Variants in RABEP2 observed in about 807,000 individuals in gnomAD.
RABEP2 encodes rabaptin, RAB GTPase binding effector protein 2.
RABEP2 carries 57 observed loss-of-function variants against 74.1 expected under a neutral mutation model. That is an observed-to-expected ratio of 0.77 (90% CI 0.62 to 0.96). The LOEUF (loss-of-function observed/expected upper bound fraction) is 0.96. Ranked by LOEUF, RABEP2 falls within the 40% of genes least tolerant of loss-of-function variation. The probability of loss-of-function intolerance (pLI) is 0.00; values close to 1 mark genes in which losing one functional copy is unlikely to be tolerated. For synonymous variants in RABEP2, 351 were observed against 344.0 expected, an observed-to-expected ratio of 1.02 and a Z score of -0.23; for missense variants, 692 against 756.3, an observed-to-expected ratio of 0.91 and a Z score of 1.00.
intron 5 of RABEP2, among the ~76,000 whole-genome samples, chr16:28,913,794 T>C (rs1350026302): frequency 6.7e-6 from 1 of 149,514 alleles, no homozygotes; most frequent in Non-Finnish European, 1.5e-5. Context: ...TTTTTTTTTT[T>C]TTTTTGAGAC....
chr16:28,904,604 A>AT lies in RABEP2; in HGVS notation c.*338dup, dbSNP rs1596691771. The AT allele has an allele frequency of 8.6e-7, 1 of 1,156,612 alleles. No homozygotes were observed. Among genetic ancestry groups the AT allele is most frequent in the African/African-American group, 1.6e-5 (1 of 64,236 alleles). 71.6% of individuals were successfully genotyped at this position (1,156,612 alleles called of 1,614,324 possible). A position where few individuals can be genotyped will look rare whatever the true frequency, so the allele number is the denominator to read the frequency against. ...CCTCTGATGGGGACTCCCAGCCCCC[A>AT]TGGCTCCGCTGTGCCCTGGGCAGGG... On this transcript the variant is annotated 3_prime_UTR_variant, in exon 13 of 13. Transcript: ENST00000358201.
chr16:28,924,913 CTGGCCCTACCCCTTCAATG>C, intron 1 of RABEP2, 171 bp downstream of exon 1: 2 of 827,304 alleles, frequency 2.4e-6, no homozygotes, highest in Non-Finnish European at 4.0e-6. Context: ...GCACCTGTCA[CTGGCCCTACCCCTTCAATG>C]GCCGGGCCAC....
At chr16:28,923,526 T>C (rs907599234) in intron 2 of RABEP2, among the ~76,000 whole-genome samples, 24 of 152,174 alleles carry the variant, frequency 1.6e-4, no homozygotes. Flanking sequence ...GTATGTAAAC[T>C]TTTAAAATGT....
chr16:28,908,869 GCCCA>G, intron 7 of RABEP2, 105 bp from the exon 8 acceptor site: 2 of 1,195,684 alleles, frequency 1.7e-6, no homozygotes, highest in Non-Finnish European at 2.3e-6. Flanking sequence ...CAGCAAGAGA[GCCCA>G]TACCCTCTCT....
At chr16:28,905,811 C>T in intron 10 of RABEP2, 52 bp from the exon 11 acceptor site, 2 of 1,614,000 alleles carry the variant, frequency 1.2e-6, no homozygotes, top group Admixed American at 1.7e-5. Flanking sequence ...CTCCCTTTCC[C>T]CACCTAGCCC....
chr16:28,916,660 A>T (rs966869484), intron 3 of RABEP2, among the ~76,000 whole-genome samples: 1 of 118,008 alleles, frequency 8.5e-6, no homozygotes, highest in Non-Finnish European at 1.7e-5. Flanking sequence ...CGACAGACTG[A>T]GACTCTTGTC....
chr16:28,911,248 C>T (rs1567496640), intron 5 of RABEP2, 69 bp from the exon 6 acceptor site: 1 of 1,447,352 alleles, frequency 6.9e-7, no homozygotes, highest in Non-Finnish European at 9.4e-7. Flanking sequence ...CTTCTCGTGG[C>T]CCACCTCTGC....
chr16:28,919,683 C>G (rs997209410), intron 3 of RABEP2, 103 bp downstream of exon 3: 2 of 1,321,694 alleles, frequency 1.5e-6, no homozygotes, highest in East Asian at 2.4e-5. Flanking sequence ...TTCCTAGAAT[C>G]ACTGCTGGGT....
At chr16:28,911,880 CAG>C (rs899526339) in intron 5 of RABEP2, among the ~76,000 whole-genome samples, 2 of 151,898 alleles carry the variant, frequency 1.3e-5, no homozygotes, top group African/African-American at 4.8e-5. Context: ...ACCTGAAAGA[CAG>C]AGGTTGCAGT....
chr16:28,904,691 A>G lies in RABEP2; in HGVS notation c.*252T>C. The G allele has an allele frequency of 1.5e-6, 1 of 654,520 alleles. No individual in the cohort carries two copies. The highest frequency in any genetic ancestry group is 3.1e-5 in the Admixed American group (1 of 32,042). The allele number at this position is 654,520 out of a possible 1,614,324, so 40.5% of individuals were successfully genotyped here. On this transcript the variant is annotated 3_prime_UTR_variant, in exon 13 of 13. Coordinates refer to ENST00000358201, the MANE Select transcript of RABEP2 (RefSeq NM_024816.3). ...GGCAGCACAGCAGCCAGAAAGCCGC[A>G]GGCCTGAGCCTGCACCTTTGGTTCC...
In RABEP2 at chr16:28,906,003, G is replaced by C. The variant is rs1170082090; in HGVS notation, c.1423+16C>G. The C allele has an allele frequency of 6.2e-7, 1 of 1,608,414 alleles. No homozygotes were observed. The highest frequency in any genetic ancestry group is 1.3e-5 in the African/African-American group (1 of 74,758). On this transcript the variant is annotated intron_variant, in intron 9 of 12. Coordinates refer to ENST00000358201, the MANE Select transcript of RABEP2 (RefSeq NM_024816.3). ...GCCCTGGGCCCGGGGCTGGGGGCTT[G>C]TGCCCCTCCCCTCACCTGTCTCCTC...
At position 28,925,111 on chromosome 16, in the gene RABEP2, G is replaced by GGCC. The variant is rs766717206; in HGVS notation, c.50_52dup (p.Arg17dup). On this transcript the variant is annotated inframe_insertion, in exon 1 of 13. Coordinates refer to ENST00000358201, the MANE Select transcript of RABEP2 (RefSeq NM_024816.3). ...GACGCCCCCTCACGTACCAGCCCCC[G>GGCC]GCCGCCGCCGCCGCTCATCGTCGTC... The GGCC allele has an allele frequency of 2.2e-5, 33 of 1,533,026 alleles. No individual in the cohort carries two copies. Among genetic ancestry groups the GGCC allele is most frequent in the Non-Finnish European group, 2.7e-5 (31 of 1,147,950 alleles). The allele number at this position is 1,533,026 out of a possible 1,614,324, so 95.0% of individuals were successfully genotyped here. A position where few individuals can be genotyped will look rare whatever the true frequency, so the allele number is the denominator to read the frequency against.
At chr16:28,925,066 C>T (rs1290109287) in intron 1 of RABEP2, 37 bp downstream of exon 1, 3 of 1,547,690 alleles carry the variant, frequency 1.9e-6, no homozygotes, top group East Asian at 4.8e-5. Context: ...CCCCCAGCAT[C>T]ACCGTTCCCC....
At chr16:28,923,242 T>C (rs752978431) in intron 2 of RABEP2, among the ~76,000 whole-genome samples, 2 of 151,858 alleles carry the variant, frequency 1.3e-5, no homozygotes, top group African/African-American at 2.4e-5. Context: ...ACCCTGTTTC[T>C]ACAAAAAAAT....
At chr16:28,906,675 G>A (rs1268090010) in intron 8 of RABEP2, among the ~76,000 whole-genome samples, 1 of 152,172 alleles carries the variant, frequency 6.6e-6, no homozygotes, top group African/African-American at 2.4e-5. Context: ...TGAGGCAGAA[G>A]AATCACTTGA....
At chr16:28,913,740 G>C (rs889811233) in intron 5 of RABEP2, among the ~76,000 whole-genome samples, 2 of 149,140 alleles carry the variant, frequency 1.3e-5, no homozygotes, top group Non-Finnish European at 3.0e-5. Flanking sequence ...GCCTCCCAAA[G>C]TGCTGGGATT....
In RABEP2 at chr16:28,905,734, C is replaced by G; in HGVS notation, c.1461G>C (p.Glu487Asp). 1 of 1,614,084 alleles carries G rather than the reference C, an allele frequency of 6.2e-7. No homozygotes were observed. Among genetic ancestry groups the G allele is most frequent in the Non-Finnish European group, 8.5e-7 (1 of 1,179,952 alleles). The change falls in exon 11 of 13, where the codon GAG (glutamate) becomes GAC (aspartate). Residue 487 changes from glutamate (E) to aspartate (D), a missense_variant. By Grantham distance (45) the Glu-to-Asp change is conservative. Transcript: ENST00000358201. ...TCTGTTCCTGCTGCACCCGCTCCAT[C>G]TCTGTCCTCAGGCTGCACAGGGAGG... is the stretch of plus-strand genomic sequence containing the variant. The part of the protein sequence containing the change: ...LEASLCSLRT[E>D]MERVQQEQSK...
At position 28,912,206 on chromosome 16, in the gene RABEP2, C is replaced by G. The variant is rs576367053; in HGVS notation, c.895-1027G>C. ...GCTAGCAGTGAGCCGAGAACCACACCACTGCACTCCAGCCTGGGTGACACA... is the reference window on the plus strand; with the variant it reads ...GCTAGCAGTGAGCCGAGAACCACACGACTGCACTCCAGCCTGGGTGACACA... On this transcript the variant is annotated intron_variant, in intron 5 of 12. Transcript: ENST00000358201. Among the ~76,000 whole-genome samples, 186 of 148,028 alleles carry G rather than the reference C, an allele frequency of 1.3e-3. 3 individuals are homozygous for G. The South Asian group carries it at 0.016, about 13-fold the overall frequency.
intron 5 of RABEP2, among the ~76,000 whole-genome samples, chr16:28,912,036 G>A (rs1479796317): frequency 6.6e-6 from 1 of 152,004 alleles, no homozygotes; most frequent in Non-Finnish European, 1.5e-5. Flanking sequence ...CACGAGGTCA[G>A]GAGATCGAGA....
Sources: allele counts gnomAD v4.1 joint callset (sites outside exome capture counted in the v4.1 genomes callset), GRCh38; gene constraint gnomAD v4.1.1; transcripts MANE v1.5; gene names NCBI Gene and HGNC (gene_info 2026-07-23, HGNC 2026-07-21).